Variants in TRIM37 observed in about 807,000 individuals in gnomAD.
TRIM37 encodes the protein E3 ubiquitin-protein ligase TRIM37.
A neutral mutation model predicts 129.8 loss-of-function variants in TRIM37; 80 were observed. That is an observed-to-expected ratio of 0.62 (90% CI 0.51 to 0.74). TRIM37 has a LOEUF of 0.74. Ranked by LOEUF, TRIM37 falls within the 30% of genes least tolerant of loss-of-function variation. The pLI, the probability that TRIM37 is intolerant of heterozygous loss-of-function variation, is 0.00. For synonymous variants in TRIM37, 389 were observed against 387.1 expected (o/e 1.00, Z -0.06); for missense variants, 1,054 against 1,176.5 (o/e 0.90, Z 1.52).
At chr17:58,973,896 G>A in the TRIM37 span, among the ~76,000 whole-genome samples, 1 of 145,872 alleles carries the variant, frequency 6.9e-6, no homozygotes, top group Non-Finnish European at 1.5e-5. Context: ...AGGTTGCAGT[G>A]AGTCGAGATC....
At chr17:59,072,350 A>G (rs2042444629) in intron 8 of TRIM37, among the ~76,000 whole-genome samples, 1 of 152,182 alleles carries the variant, frequency 6.6e-6, no homozygotes, top group African/African-American at 2.4e-5. Flanking sequence ...ATACTATCAA[A>G]TGCCATATGA....
rs2046032719 is a variant in TRIM37 at position 59,106,687 on chromosome 17, G to C, written c.-226C>G. ...GCGCCCGCCCCGAGGCGCAGAAGTA[G>C]GGCGAACGGTGGCCGCAGCTCCTTT... On this transcript the variant is annotated 5_prime_UTR_variant, in exon 1 of 24. Transcript: ENST00000262294. 3 of 602,676 alleles carry C rather than the reference G, an allele frequency of 5.0e-6. No homozygotes were observed. Among genetic ancestry groups the C allele is most frequent in the African/African-American group, 3.7e-5 (2 of 53,488 alleles). The allele number at this position is 602,676 out of a possible 1,614,324, so 37.3% of individuals were successfully genotyped here. A position where few individuals can be genotyped will look rare whatever the true frequency, so the allele number is the denominator to read the frequency against.
intron 2 of TRIM37, among the ~76,000 whole-genome samples, chr17:59,095,898 T>A (rs555524997): frequency 6.6e-6 from 1 of 152,218 alleles, no homozygotes; most frequent in African/African-American, 2.4e-5. Context: ...TTTAATTTTT[T>A]TTGCAGAGAT....
At chr17:59,067,798 G>T (rs1599319256) in intron 9 of TRIM37, among the ~76,000 whole-genome samples, 1 of 145,514 alleles carries the variant, frequency 6.9e-6, no homozygotes, top group Non-Finnish European at 1.6e-5. Context: ...GGCCTCCCAA[G>T]GTGCTGGGGT....
chr17:59,103,801 C>T (rs2045749626), intron 2 of TRIM37, among the ~76,000 whole-genome samples: 1 of 151,850 alleles, frequency 6.6e-6, no homozygotes, highest in Non-Finnish European at 1.5e-5. Flanking sequence ...GTACATGCCA[C>T]CATGCCCAGC....
intron 19 of TRIM37, among the ~76,000 whole-genome samples, chr17:59,017,773 C>T (rs573277109): frequency 1.3e-5 from 2 of 152,164 alleles, no homozygotes; most frequent in African/African-American, 2.4e-5. Context: ...TACAGGCACT[C>T]GCCACCATGC....
rs1452512134 is a variant in TRIM37, at chr17:58,999,934, C to G, written c.2813-475G>C. Among the ~76,000 whole-genome samples, 3 of 152,144 alleles carry G rather than the reference C, an allele frequency of 2.0e-5. No homozygotes were observed. In the South Asian group the frequency reaches 6.2e-4, roughly 31 times the overall value. Reference sequence around the variant, plus strand: ...GAAGCAGAGGAAGTTACTAAAGATGCCTTAATACTTACAAATCATCAAATG... The same window carrying G: ...GAAGCAGAGGAAGTTACTAAAGATGGCTTAATACTTACAAATCATCAAATG... On this transcript the variant is annotated intron_variant, in intron 23 of 23. Transcript: ENST00000262294.
At chr17:59,032,531 CAAAAAAAAAA>C (rs35442859) in intron 17 of TRIM37, among the ~76,000 whole-genome samples, 3 of 84,788 alleles carry the variant, frequency 3.5e-5, no homozygotes, top group African/African-American at 1.4e-4. Context: ...GACTCCGTCT[CAAAAAAAAAA>C]AAAAAAAAAA....
intron 2 of TRIM37, among the ~76,000 whole-genome samples, chr17:59,096,988 A>G (rs1381475674): frequency 1.3e-5 from 2 of 152,212 alleles, no homozygotes; most frequent in East Asian, 3.8e-4. Flanking sequence ...AAAATCATTC[A>G]ATGTAATAAA....
At chr17:59,057,310 G>C (rs562511421) in intron 12 of TRIM37, among the ~76,000 whole-genome samples, 1 of 152,262 alleles carries the variant, frequency 6.6e-6, no homozygotes, top group South Asian at 2.1e-4. Context: ...CTGACTCCAG[G>C]TTCAAGTGAT....
intron 24 of TRIM37, among the ~76,000 whole-genome samples, chr17:58,985,716 T>G (rs2031742024): frequency 1.3e-5 from 2 of 152,014 alleles, no homozygotes; most frequent in African/African-American, 4.8e-5. Flanking sequence ...TCCAAACGAG[T>G]CAACCTTGTC....
chr17:58,995,473 T>C (rs2032897940), downstream of TRIM37, among the ~76,000 whole-genome samples: 1 of 150,130 alleles, frequency 6.7e-6, no homozygotes. Context: ...GAGTTTCCAA[T>C]GGCTAAAATT....
At chr17:58,987,979 G>T (rs1300229789) in intron 24 of TRIM37, among the ~76,000 whole-genome samples, 2 of 152,210 alleles carry the variant, frequency 1.3e-5, no homozygotes, top group Non-Finnish European at 2.9e-5. Context: ...CGAGCCAGAT[G>T]AACTATAAAT....
At chr17:58,994,056 A>C (rs1385463777), downstream of TRIM37, among the ~76,000 whole-genome samples, 1 of 152,202 alleles carries the variant, frequency 6.6e-6, no homozygotes, top group African/African-American at 2.4e-5. Context: ...ACGGTTCTGA[A>C]GCTACTTGTA....
At chr17:58,969,969 A>G in the TRIM37 span, among the ~76,000 whole-genome samples, 1 of 152,186 alleles carries the variant, frequency 6.6e-6, no homozygotes. Flanking sequence ...CATTTCTGTA[A>G]TAACTGCTGG....
intron 17 of TRIM37, among the ~76,000 whole-genome samples, chr17:59,037,591 G>C (rs57958114): frequency 0.34 from 43,342 of 127,794 alleles, 8,061 homozygotes; most frequent in East Asian, 0.5. Flanking sequence ...AAAAAAAAAG[G>C]CTTTTTTAAT....
chr17:59,013,808 G>T (rs959591540), intron 21 of TRIM37, among the ~76,000 whole-genome samples: 2 of 152,122 alleles, frequency 1.3e-5, no homozygotes, highest in Non-Finnish European at 2.9e-5. Flanking sequence ...GATTACAGGT[G>T]TGTGCCACTG....
Position 59,064,407 on chromosome 17 carries a change from T to C in TRIM37, c.810-2A>G. On this transcript the variant is annotated splice_acceptor_variant, in intron 9 of 23. Coordinates refer to ENST00000262294, the MANE Select transcript of TRIM37 (RefSeq NM_015294.6). LOFTEE classifies it high-confidence loss of function. Reference sequence around the variant, plus strand: ...GAATCGTAAGATGGCACTAATTCACTAAAAAAAAAAAGGCAAAAAAAATTA... The same window carrying C: ...GAATCGTAAGATGGCACTAATTCACCAAAAAAAAAAAGGCAAAAAAAATTA... The C allele has an allele frequency of 8.0e-7, 1 of 1,257,852 alleles. No individual in the cohort carries two copies. The highest frequency in any genetic ancestry group is 1.1e-6 in the Non-Finnish European group (1 of 917,490). 77.9% of individuals were successfully genotyped at this position (1,257,852 alleles called of 1,614,324 possible). A position where few individuals can be genotyped will look rare whatever the true frequency, so the allele number is the denominator to read the frequency against.
chr17:59,042,517 C>A (rs556905372), intron 16 of TRIM37, among the ~76,000 whole-genome samples: 2 of 142,880 alleles, frequency 1.4e-5, no homozygotes, highest in African/African-American at 2.7e-5. Context: ...AATCCCAGAA[C>A]TTTGGGAGGC....
Sources: gnomAD v4.1 joint callset for allele counts (sites outside exome capture counted in the v4.1 genomes callset) on GRCh38, gnomAD v4.1.1 for gene constraint, MANE v1.5 for transcripts, NCBI Gene and HGNC (gene_info 2026-07-23, HGNC 2026-07-21) for gene names.